The following CADPS2 variants were observed in gnomAD, a reference collection of about 807,000 sequenced individuals.
CADPS2 encodes the protein calcium-dependent secretion activator 2.
CADPS2 carries 93 observed loss-of-function variants against 172.5 expected under a neutral mutation model. The observed-to-expected ratio is 0.54, with a 90% confidence interval of 0.46 to 0.64. The LOEUF is 0.64. Among genes scored for constraint, CADPS2 ranks in the 30% least tolerant of loss-of-function variants. CADPS2 has a pLI of 0.00. For synonymous variants in CADPS2, 546 were observed against 555.2 expected, an observed-to-expected ratio of 0.98 and a Z score of 0.23; for missense variants, 1,420 against 1,565.9, an observed-to-expected ratio of 0.91 and a Z score of 1.57.
intron 2 of CADPS2, among the ~76,000 whole-genome samples, chr7:122,726,335 A>G (rs1408350505): frequency 6.6e-6 from 1 of 152,054 alleles, no homozygotes; most frequent in Non-Finnish European, 1.5e-5. Context: ...CAGACGAACA[A>G]TGACTGTCTT....
intron 2 of CADPS2, chr7:122,699,031 T>C: frequency 1.4e-6 from 1 of 708,068 alleles, no homozygotes; most frequent in Middle Eastern, 3.4e-4. Flanking sequence ...AGATCCACTG[T>C]CTTCCAGCAT....
At chr7:122,815,072 A>G (rs1800975884) in intron 1 of CADPS2, among the ~76,000 whole-genome samples, 1 of 152,134 alleles carries the variant, frequency 6.6e-6, no homozygotes, top group African/African-American at 2.4e-5. Context: ...TGCCAATGCC[A>G]AGAAGGAGTT....
At chr7:122,615,408 A>T (rs1587851865) in intron 5 of CADPS2, 109 bp from the exon 6 acceptor site, 5 of 687,676 alleles carry the variant, frequency 7.3e-6, no homozygotes, top group Non-Finnish European at 1.1e-5. Flanking sequence ...CTGAAAAAAA[A>T]TTTGTTTTTT....
At chr7:122,381,565 G>A (rs1443517990) in intron 24 of CADPS2, among the ~76,000 whole-genome samples, 2 of 152,074 alleles carry the variant, frequency 1.3e-5, no homozygotes, top group East Asian at 1.9e-4. Flanking sequence ...GGGTTGAATT[G>A]ATTCTGGCAA....
intron 1 of CADPS2, among the ~76,000 whole-genome samples, chr7:122,770,360 AATTATT>A (rs1017630285): frequency 1.3e-5 from 2 of 152,094 alleles, no homozygotes; most frequent in Non-Finnish European, 2.9e-5. Flanking sequence ...GAGATCCTCT[AATTATT>A]ATTATTATTT....
At chr7:122,357,771 T>C (rs1330194763) in intron 27 of CADPS2, among the ~76,000 whole-genome samples, 2 of 152,168 alleles carry the variant, frequency 1.3e-5, no homozygotes, top group African/African-American at 4.8e-5. Context: ...TTTGGCAATA[T>C]GCATTTAAGA....
intron 2 of CADPS2, among the ~76,000 whole-genome samples, chr7:122,725,723 G>A (rs1391199686): frequency 6.6e-6 from 1 of 151,866 alleles, no homozygotes; most frequent in African/African-American, 2.4e-5. Flanking sequence ...GAGCCCAGGA[G>A]TTTGAGGCTG....
chr7:122,357,504 T>C (rs1055768413), intron 27 of CADPS2: 3 of 152,142 alleles, frequency 2.0e-5, no homozygotes, highest in Non-Finnish European at 4.4e-5. Context: ...TTTTAAATAA[T>C]TGAATATACT....
chr7:122,396,685 G>T (rs2045181852), intron 20 of CADPS2, among the ~76,000 whole-genome samples: 1 of 152,118 alleles, frequency 6.6e-6, no homozygotes, highest in South Asian at 2.1e-4. Context: ...ATCCTTTCTA[G>T]AAATGCTTCC....
At chr7:122,361,170 A>C (rs1278348931) in intron 25 of CADPS2, among the ~76,000 whole-genome samples, 157 bp from the exon 26 acceptor site, 1 of 151,114 alleles carries the variant, frequency 6.6e-6, no homozygotes, top group African/African-American at 2.4e-5. Context: ...TTACTCTTTC[A>C]TTCTGAACAT....
At chr7:122,475,678 A>G (rs1394823316) in intron 12 of CADPS2, among the ~76,000 whole-genome samples, 2 of 152,208 alleles carry the variant, frequency 1.3e-5, no homozygotes, top group East Asian at 3.8e-4. Flanking sequence ...ACTTTCAGCC[A>G]TATTTGTAGA....
At chr7:122,785,978 T>C (rs753784077) in intron 1 of CADPS2, among the ~76,000 whole-genome samples, 1 of 152,224 alleles carries the variant, frequency 6.6e-6, no homozygotes, top group Admixed American at 6.5e-5. Context: ...CACATGCAGA[T>C]CTTCAAATTA....
chr7:122,807,667 C>CA (rs1799083700), intron 1 of CADPS2, among the ~76,000 whole-genome samples: 1 of 152,174 alleles, frequency 6.6e-6, no homozygotes, highest in South Asian at 2.1e-4. Flanking sequence ...AAAGTGTTGG[C>CA]AGGTCCGGTT....
intron 28 of CADPS2, among the ~76,000 whole-genome samples, chr7:122,326,195 G>A (rs1213784450): frequency 6.6e-6 from 1 of 151,398 alleles, no homozygotes; most frequent in Admixed American, 6.6e-5. Flanking sequence ...ATCTTAGGAA[G>A]AAACATTATC....
intron 8 of CADPS2, among the ~76,000 whole-genome samples, chr7:122,527,361 TTA>T (rs2061319804): frequency 6.6e-6 from 1 of 151,202 alleles, no homozygotes; most frequent in Non-Finnish European, 1.5e-5. Context: ...ACAGAATATA[TTA>T]TATGTCTAAA....
intron 1 of CADPS2, among the ~76,000 whole-genome samples, chr7:122,849,581 A>T (rs1812960895): frequency 6.6e-6 from 1 of 152,144 alleles, no homozygotes; most frequent in Non-Finnish European, 1.5e-5. Context: ...GTGAAAACAG[A>T]GTCTGTGCGT....
At chr7:122,559,295 C>T (rs2065419077) in intron 7 of CADPS2, among the ~76,000 whole-genome samples, 1 of 152,122 alleles carries the variant, frequency 6.6e-6, no homozygotes, top group South Asian at 2.1e-4. Context: ...GATTCCAATG[C>T]TGACATTTGT....
chr7:122,668,450 C>A (rs765337569), intron 2 of CADPS2, among the ~76,000 whole-genome samples: 1 of 150,136 alleles, frequency 6.7e-6, no homozygotes, highest in Non-Finnish European at 1.5e-5. Flanking sequence ...AAGACAAAAT[C>A]TTCTGAAATG....
intron 7 of CADPS2, among the ~76,000 whole-genome samples, chr7:122,557,660 G>C (rs2065200579): frequency 1.3e-5 from 2 of 152,122 alleles, no homozygotes; most frequent in Non-Finnish European, 2.9e-5. Context: ...ATAGGACTTT[G>C]GGCTGTTTCT....
Sources: allele counts gnomAD v4.1 joint callset (sites outside exome capture counted in the v4.1 genomes callset), GRCh38; gene constraint gnomAD v4.1.1; transcripts MANE v1.5; gene names NCBI Gene and HGNC (gene_info 2026-07-23, HGNC 2026-07-21).